Variants in PHKB observed in about 807,000 individuals in gnomAD.
PHKB encodes phosphorylase kinase regulatory subunit beta.
PHKB carries 122 observed loss-of-function variants against 152.1 expected under a neutral mutation model. The observed-to-expected ratio is 0.80, with a 90% CI of 0.69 to 0.93. The LOEUF is 0.93. Ranked by LOEUF, PHKB falls within the 40% of genes least tolerant of loss-of-function variation. PHKB has a pLI of 0.00. For missense variants in PHKB, 1,304 were observed against 1,328.4 expected, an observed-to-expected ratio of 0.98 and a Z score of 0.29; for synonymous variants, 436 against 464.9, an observed-to-expected ratio of 0.94 and a Z score of 0.80.
intron 20 of PHKB, among the ~76,000 whole-genome samples, chr16:47,654,990 C>G (rs1295093240): frequency 2.6e-5 from 4 of 151,630 alleles, no homozygotes; most frequent in African/African-American, 9.7e-5. Flanking sequence ...AATTAGATAA[C>G]AAGTTGGAGA....
intron 14 of PHKB, among the ~76,000 whole-genome samples, chr16:47,625,831 T>C (rs1426882352): frequency 2.0e-5 from 3 of 152,172 alleles, no homozygotes; most frequent in African/African-American, 7.2e-5. Flanking sequence ...TAATGGCAAG[T>C]TTTTATCTTC....
At chr16:47,641,478 T>G (rs575926573) in intron 15 of PHKB, 121 bp from the exon 16 acceptor site, 2 of 690,472 alleles carry the variant, frequency 2.9e-6, no homozygotes, top group East Asian at 2.7e-5. Flanking sequence ...AAATTGCTAA[T>G]ACTAACAAAT....
intron 7 of PHKB, among the ~76,000 whole-genome samples, chr16:47,553,362 C>T (rs1420012770): frequency 6.6e-6 from 1 of 151,972 alleles, no homozygotes; most frequent in Non-Finnish European, 1.5e-5. Context: ...ATGAAGTTCT[C>T]GTACTGTGTT....
intron 13 of PHKB, among the ~76,000 whole-genome samples, chr16:47,596,800 CAGA>C (rs1248069877): frequency 6.6e-6 from 1 of 152,006 alleles, no homozygotes; most frequent in Non-Finnish European, 1.5e-5. Context: ...AGGTTTCCTG[CAGA>C]AGATTATAGA....
intron 26 of PHKB, among the ~76,000 whole-genome samples, chr16:47,682,436 A>T (rs1018030645): frequency 3.9e-5 from 6 of 152,106 alleles, no homozygotes; most frequent in Non-Finnish European, 8.8e-5. Context: ...ACATAGTCCC[A>T]TATTTCTTGG....
At chr16:47,657,771 G>A (rs1973365080) in intron 20 of PHKB, among the ~76,000 whole-genome samples, 1 of 152,072 alleles carries the variant, frequency 6.6e-6, no homozygotes, top group African/African-American at 2.4e-5. Flanking sequence ...TTCTGTTTCA[G>A]CATTAGCTAT....
chr16:47,493,379 T>C (rs1401017356), intron 1 of PHKB, among the ~76,000 whole-genome samples: 1 of 152,252 alleles, frequency 6.6e-6, no homozygotes, highest in Non-Finnish European at 1.5e-5. Context: ...AACTTCTAAG[T>C]ATCATTGAAA....
intron 6 of PHKB, among the ~76,000 whole-genome samples, chr16:47,521,587 G>A (rs1484404439): frequency 1.3e-5 from 2 of 152,000 alleles, no homozygotes; most frequent in East Asian, 1.9e-4. Context: ...CCCGGGAGGC[G>A]GAGGTTGTGG....
chr16:47,519,393 G>C (rs1406531918), intron 6 of PHKB, among the ~76,000 whole-genome samples: 1 of 152,154 alleles, frequency 6.6e-6, no homozygotes, highest in Non-Finnish European at 1.5e-5. Flanking sequence ...AAGTTGGGTG[G>C]TGCTGGCTTG....
intron 29 of PHKB, 149 bp downstream of exon 29, chr16:47,696,637 G>A (rs527244278): frequency 5.0e-5 from 34 of 686,012 alleles, no homozygotes; most frequent in Admixed American, 8.4e-5. Context: ...TATTCTTTCC[G>A]GAACCTTGAT....
chr16:47,641,776 C>G, intron 16 of PHKB, 84 bp downstream of exon 16: 1 of 785,840 alleles, frequency 1.3e-6, no homozygotes, highest in South Asian at 1.4e-5. Flanking sequence ...ACAAGTCACA[C>G]AGTTAAAATC....
intron 7 of PHKB, among the ~76,000 whole-genome samples, chr16:47,564,042 GTGTT>G (rs1017347240): frequency 1.7e-4 from 22 of 132,278 alleles, no homozygotes; most frequent in Admixed American, 1.1e-3. Flanking sequence ...TGGTGTGTGT[GTGTT>G]TGTCACATTT....
At chr16:47,515,930 T>C (rs938157868) in intron 6 of PHKB, among the ~76,000 whole-genome samples, 1 of 151,564 alleles carries the variant, frequency 6.6e-6, no homozygotes, top group Non-Finnish European at 1.5e-5. Flanking sequence ...TCAATTATTG[T>C]CTTTTTTTTT....
intron 6 of PHKB, among the ~76,000 whole-genome samples, chr16:47,537,902 C>CTCTCTCTCTCTT (rs71380327): frequency 6.0e-5 from 9 of 149,232 alleles, no homozygotes; most frequent in African/African-American, 2.3e-4. Context: ...CTCTCTCTCT[C>CTCTCTCTCTCTT]TTTTTAAGTT....
At position 47,589,065 on chromosome 16, in the gene PHKB, A is replaced by G. The variant is rs375710008; in HGVS notation, c.1031A>G (p.Asp344Gly). 6.2e-7 allele frequency: 1 copy of G among 1,613,340 alleles called. No homozygotes were observed. The highest frequency in any genetic ancestry group is 1.3e-5 in the African/African-American group (1 of 74,914). The change falls in exon 10 of 31, where the codon GAT (aspartate) becomes GGT (glycine). Residue 344 changes from aspartate to glycine, a missense_variant. Asp to Gly is a moderately conservative substitution (Grantham distance 94, BLOSUM62 -1). Coordinates refer to ENST00000323584, the MANE Select transcript of PHKB (RefSeq NM_000293.3). ...GATGGGTATAGAACATCATTGGAAG[A>G]TCCCAACAGATGCTACTACAAGCCA... ...LRDGYRTSLE[D>G]PNRCYYKPAE...
chr16:47,487,398 A>G (rs926214087), intron 1 of PHKB, among the ~76,000 whole-genome samples: 2 of 144,188 alleles, frequency 1.4e-5, no homozygotes, highest in African/African-American at 5.2e-5. Flanking sequence ...ATGTTATATT[A>G]TTAGGTACAA....
intron 22 of PHKB, among the ~76,000 whole-genome samples, chr16:47,661,198 C>T (rs552782119): frequency 6.6e-6 from 1 of 152,204 alleles, no homozygotes; most frequent in Admixed American, 6.5e-5. Context: ...TTAGGTCAGT[C>T]CTGTCACTGA....
intron 26 of PHKB, among the ~76,000 whole-genome samples, chr16:47,686,030 G>A (rs530787474): frequency 1.4e-3 from 209 of 152,230 alleles, no homozygotes; most frequent in Non-Finnish European, 1.9e-3. Flanking sequence ...ATGAGCCACC[G>A]TACCCAGCCA....
intron 16 of PHKB, among the ~76,000 whole-genome samples, chr16:47,645,485 G>T (rs1973099900): frequency 8.1e-6 from 1 of 122,846 alleles, no homozygotes; most frequent in African/African-American, 3.1e-5. Flanking sequence ...TTTCCCCATT[G>T]CTTGTTTTTC....
Sources: allele counts gnomAD v4.1 joint callset (sites outside exome capture counted in the v4.1 genomes callset), GRCh38; gene constraint gnomAD v4.1.1; transcripts MANE v1.5; gene names NCBI Gene and HGNC (gene_info 2026-07-23, HGNC 2026-07-21).